SIL1: variants seen among roughly 807,000 people sequenced by gnomAD.
The protein encoded by SIL1 is SIL1 nucleotide exchange factor.
SIL1 carries 40 observed loss-of-function variants against 49.1 expected under a neutral mutation model. That is an observed-to-expected ratio of 0.81 (90% CI 0.63 to 1.06). The LOEUF is 1.06. Among genes scored for constraint, SIL1 ranks in the 50% least tolerant of loss-of-function variants. The pLI is 0.00. For missense variants in SIL1, 500 were observed against 572.6 expected (o/e 0.87, Z 1.29); for synonymous variants, 253 against 250.8 (o/e 1.01, Z -0.08).
At chr5:139,155,448 T>TGAGAGAGAGAGAGAGACAGAGAGAGA (rs1751387500) in intron 1 of SIL1, 2 of 125,992 alleles carry the variant, frequency 1.6e-5, no homozygotes, top group South Asian at 5.8e-4. Flanking sequence ...GTACACAGAG[T>TGAGAGAGAGAGAGAGACAGAGAGAGA]GAGAGAGAGA....
chr5:139,138,140 CAT>C (rs1373297432), intron 1 of SIL1, among the ~76,000 whole-genome samples: 6 of 108,290 alleles, frequency 5.5e-5, no homozygotes, highest in African/African-American at 1.4e-4. Context: ...CACACACACA[CAT>C]ATACACACAC....
intron 7 of SIL1, among the ~76,000 whole-genome samples, chr5:138,998,745 C>A (rs1355774381): frequency 6.6e-6 from 1 of 152,152 alleles, no homozygotes; most frequent in Non-Finnish European, 1.5e-5. Flanking sequence ...GGATTTGCCC[C>A]CTGTGATCCA....
chr5:138,996,040 T>C (rs541040509), intron 7 of SIL1, among the ~76,000 whole-genome samples: 1 of 152,336 alleles, frequency 6.6e-6, no homozygotes, highest in South Asian at 2.1e-4. Context: ...TTTCCTTTCT[T>C]TTGGACATAC....
intron 1 of SIL1, among the ~76,000 whole-genome samples, chr5:139,132,753 T>C (rs1750890635): frequency 6.6e-6 from 1 of 152,180 alleles, no homozygotes; most frequent in Non-Finnish European, 1.5e-5. Context: ...CACCTGGTCT[T>C]GGTCCTTACT....
At chr5:139,045,364 C>CA (rs1241536923) in intron 4 of SIL1, among the ~76,000 whole-genome samples, 3 of 151,602 alleles carry the variant, frequency 2.0e-5, no homozygotes, top group Non-Finnish European at 2.9e-5. Flanking sequence ...AACAAACAAA[C>CA]AAAAAAAACC....
intron 7 of SIL1, among the ~76,000 whole-genome samples, chr5:138,965,721 C>T (rs1327576155): frequency 6.7e-6 from 1 of 148,824 alleles, no homozygotes. Flanking sequence ...AGGGAAGTGT[C>T]ATGGCAGCTT....
intron 7 of SIL1, among the ~76,000 whole-genome samples, chr5:138,981,757 C>A: frequency 6.6e-6 from 1 of 152,212 alleles, no homozygotes; most frequent in South Asian, 2.1e-4. Context: ...AAATCTCACC[C>A]AAGTCAGTCC....
intron 2 of SIL1, among the ~76,000 whole-genome samples, chr5:139,121,551 A>G (rs979921203): frequency 3.3e-5 from 5 of 152,230 alleles, no homozygotes; most frequent in African/African-American, 1.2e-4. Context: ...AAACTCGCAC[A>G]TATTATTTTT....
At chr5:138,974,847 T>C (rs115407619) in intron 7 of SIL1, among the ~76,000 whole-genome samples, 1,670 of 152,350 alleles carry the variant, frequency 0.011, 39 homozygotes, top group African/African-American at 0.038. Context: ...ATGAGCTTCA[T>C]GTGTATCATC....
intron 7 of SIL1, among the ~76,000 whole-genome samples, chr5:138,975,623 G>T (rs946499474): frequency 1.4e-4 from 21 of 152,312 alleles, no homozygotes; most frequent in African/African-American, 5.1e-4. Context: ...AACTATAGAT[G>T]ATCTATGTGA....
intron 7 of SIL1, among the ~76,000 whole-genome samples, chr5:139,010,612 T>C (rs1206104030): frequency 4.0e-5 from 6 of 149,682 alleles, no homozygotes; most frequent in African/African-American, 1.2e-4. Flanking sequence ...TTTTGGTCTT[T>C]GATGATGGTG....
intron 6 of SIL1, among the ~76,000 whole-genome samples, chr5:139,024,773 C>T (rs1768606829): frequency 6.6e-6 from 1 of 152,254 alleles, no homozygotes; most frequent in Admixed American, 6.5e-5. Context: ...AGTCAGATCA[C>T]ATCATTCTTC....
At chr5:139,101,760 A>G (rs932342399) in intron 3 of SIL1, among the ~76,000 whole-genome samples, 38 of 152,296 alleles carry the variant, frequency 2.5e-4, no homozygotes, top group African/African-American at 8.4e-4. Flanking sequence ...CTTGCTATCA[A>G]AGGGGATGAT....
chr5:139,013,956 T>G (rs1362718651), intron 7 of SIL1: 1 of 152,216 alleles, frequency 6.6e-6, no homozygotes, highest in Non-Finnish European at 1.5e-5. Flanking sequence ...ACCATTTATG[T>G]TCAAAGCATC....
intron 1 of SIL1, among the ~76,000 whole-genome samples, chr5:139,178,297 T>C (rs1343156934): frequency 6.6e-6 from 1 of 152,220 alleles, no homozygotes; most frequent in African/African-American, 2.4e-5. Flanking sequence ...GTTCCTTTTC[T>C]GATCTTCATT....
intron 1 of SIL1, among the ~76,000 whole-genome samples, chr5:139,152,771 C>G (rs77147920): frequency 6.6e-6 from 1 of 152,188 alleles, no homozygotes; most frequent in Admixed American, 6.5e-5. Context: ...TACTCGCAAC[C>G]TGCCACCATC....
At chr5:139,023,796 T>C (rs1379852199) in intron 6 of SIL1, among the ~76,000 whole-genome samples, 3 of 152,256 alleles carry the variant, frequency 2.0e-5, no homozygotes, top group Non-Finnish European at 4.4e-5. Flanking sequence ...CGGGCCGAGT[T>C]GTGTCTTACT....
chr5:139,021,795 G>A (rs1768535652), intron 6 of SIL1: 1 of 183,596 alleles, frequency 5.4e-6, no homozygotes, highest in Non-Finnish European at 1.1e-5. Context: ...GCTGGGGAGG[G>A]GGGAATAACA....
intron 6 of SIL1, among the ~76,000 whole-genome samples, chr5:139,025,573 T>C (rs1272614429): frequency 6.6e-6 from 1 of 152,168 alleles, no homozygotes; most frequent in African/African-American, 2.4e-5. Flanking sequence ...TAGTGGTTCT[T>C]AGGATCAAGG....
Sources: gnomAD v4.1 joint callset for allele counts (sites outside exome capture counted in the v4.1 genomes callset) on GRCh38, gnomAD v4.1.1 for gene constraint, MANE v1.5 for transcripts, NCBI Gene and HGNC (gene_info 2026-07-23, HGNC 2026-07-21) for gene names.